GLRA3: variants seen among roughly 807,000 people sequenced by gnomAD.
The protein encoded by GLRA3 is glycine receptor subunit alpha-3.
In GLRA3, 44 loss-of-function variants were observed where a neutral mutation model predicts 60.4. That is an observed-to-expected ratio of 0.73 (90% CI 0.57 to 0.94). The LOEUF (loss-of-function observed/expected upper bound fraction) is 0.94, where lower values mean the gene tolerates loss of function less well. Ranked by LOEUF, GLRA3 falls within the 40% of genes least tolerant of loss-of-function variation. The pLI, the probability that GLRA3 is intolerant of heterozygous loss-of-function variation, is 0.00. For missense variants in GLRA3, 508 were observed against 564.6 expected (o/e 0.90, Z 1.02); for synonymous variants, 223 against 192.9 (o/e 1.16, Z -1.29).
At chr4:174,644,122 G>A (rs1362175090) in intron 9 of GLRA3, 58 bp from the exon 10 acceptor site, 5 of 961,814 alleles carry the variant, frequency 5.2e-6, no homozygotes, top group South Asian at 1.6e-5. Flanking sequence ...TGTATAACAG[G>A]CATCTCAGAA....
At chr4:174,645,101 A>G (rs1260812395) in intron 9 of GLRA3, among the ~76,000 whole-genome samples, 1 of 152,080 alleles carries the variant, frequency 6.6e-6, no homozygotes, top group Non-Finnish European at 1.5e-5. Context: ...ATAAAAGATC[A>G]AATAATTGGC....
At chr4:174,656,280 T>C (rs981331833) in intron 9 of GLRA3, among the ~76,000 whole-genome samples, 3 of 152,160 alleles carry the variant, frequency 2.0e-5, no homozygotes, top group East Asian at 3.9e-4. Context: ...ACATTTAGAA[T>C]GGATTCTAAA....
intron 7 of GLRA3, among the ~76,000 whole-genome samples, chr4:174,674,684 C>T (rs995536255): frequency 3.3e-5 from 5 of 152,072 alleles, no homozygotes; most frequent in Non-Finnish European, 7.4e-5. Context: ...TTTCACTGTC[C>T]TATGTTTTAT....
At chr4:174,689,118 T>A (rs1734681307) in intron 5 of GLRA3, among the ~76,000 whole-genome samples, 2 of 152,202 alleles carry the variant, frequency 1.3e-5, no homozygotes, top group Admixed American at 1.3e-4. Flanking sequence ...TCCAACTCTT[T>A]GGTTTTATAA....
intron 1 of GLRA3, among the ~76,000 whole-genome samples, chr4:174,824,149 C>A (rs1037234092): frequency 6.6e-6 from 1 of 152,142 alleles, no homozygotes; most frequent in Non-Finnish European, 1.5e-5. Flanking sequence ...TCAAAATACC[C>A]CGAACCAAAT....
chr4:174,693,141 T>C (rs1252139328), intron 5 of GLRA3, among the ~76,000 whole-genome samples: 2 of 152,178 alleles, frequency 1.3e-5, no homozygotes, highest in South Asian at 2.1e-4. Context: ...TCTTTTACTG[T>C]GCAGAAACTC....
intron 3 of GLRA3, among the ~76,000 whole-genome samples, chr4:174,761,854 T>C (rs980596873): frequency 6.6e-6 from 1 of 152,184 alleles, no homozygotes; most frequent in Non-Finnish European, 1.5e-5. Flanking sequence ...TTCACTCCTA[T>C]AATTTGTGCA....
chr4:174,746,215 C>T (rs1042424180), intron 3 of GLRA3, among the ~76,000 whole-genome samples: 23 of 152,056 alleles, frequency 1.5e-4, no homozygotes, highest in East Asian at 7.7e-4. Context: ...CAGCACTATT[C>T]GCAGTAGCAA....
chr4:174,805,126 G>T (rs953575044), intron 1 of GLRA3, among the ~76,000 whole-genome samples: 24 of 152,112 alleles, frequency 1.6e-4, no homozygotes, highest in Admixed American at 1.3e-4. Flanking sequence ...AAAAAGAAAT[G>T]ATTTGGGAGC....
chr4:174,695,937 C>T (rs1735034685), intron 5 of GLRA3, among the ~76,000 whole-genome samples: 1 of 152,040 alleles, frequency 6.6e-6, no homozygotes, highest in African/African-American at 2.4e-5. Flanking sequence ...CATTCCTATA[C>T]ACCAACAACA....
intron 5 of GLRA3, among the ~76,000 whole-genome samples, chr4:174,702,195 G>A (rs2111051492): frequency 6.6e-6 from 1 of 152,186 alleles, no homozygotes; most frequent in Admixed American, 6.5e-5. Flanking sequence ...TCAGCAACCA[G>A]CATCCCATCA....
intron 2 of GLRA3, among the ~76,000 whole-genome samples, chr4:174,773,538 T>G (rs2111254578): frequency 1.3e-5 from 2 of 152,280 alleles, no homozygotes; most frequent in Middle Eastern, 6.8e-3. Context: ...TATTAAAGTT[T>G]TATCTTTTTA....
intron 3 of GLRA3, among the ~76,000 whole-genome samples, chr4:174,751,271 A>C (rs2111196154): frequency 6.6e-6 from 1 of 152,228 alleles, no homozygotes; most frequent in East Asian, 1.9e-4. Flanking sequence ...GGAGACATCA[A>C]GAATGAACTC....
At chr4:174,664,430 AAAC>A (rs751524000) in intron 7 of GLRA3, among the ~76,000 whole-genome samples, 2 of 152,076 alleles carry the variant, frequency 1.3e-5, no homozygotes, top group East Asian at 3.9e-4. Context: ...ACAAACAAAA[AAAC>A]AACAACAGCA....
intron 3 of GLRA3, among the ~76,000 whole-genome samples, chr4:174,738,722 C>T (rs1460134699): frequency 6.6e-6 from 1 of 152,170 alleles, no homozygotes; most frequent in Non-Finnish European, 1.5e-5. Flanking sequence ...CGAATACTTT[C>T]ATGACAAAAA....
chr4:174,691,392 C>G (rs2111009410), intron 5 of GLRA3, among the ~76,000 whole-genome samples: 1 of 152,170 alleles, frequency 6.6e-6, no homozygotes, highest in East Asian at 1.9e-4. Flanking sequence ...CTCTCTCTCC[C>G]CACGGTCTCC....
At chr4:174,705,584 A>T (rs1319458234) in intron 5 of GLRA3, among the ~76,000 whole-genome samples, 1 of 144,180 alleles carries the variant, frequency 6.9e-6, no homozygotes, top group East Asian at 2.3e-4. Flanking sequence ...AGCCTCCAAT[A>T]GTCTTTTCAG....
At chr4:174,679,893 T>TA (rs1221401667) in intron 6 of GLRA3, among the ~76,000 whole-genome samples, 10 of 152,154 alleles carry the variant, frequency 6.6e-5, no homozygotes, top group Admixed American at 4.6e-4. Flanking sequence ...TGAGTGGGTT[T>TA]AAAAATACAC....
chr4:174,805,605 A>T (rs1224020977), intron 1 of GLRA3, among the ~76,000 whole-genome samples: 1 of 152,100 alleles, frequency 6.6e-6, no homozygotes, highest in Non-Finnish European at 1.5e-5. Context: ...CAGAGCTAGG[A>T]CACCTACTTA....
Sources: gnomAD v4.1 joint callset for allele counts (sites outside exome capture counted in the v4.1 genomes callset) on GRCh38, gnomAD v4.1.1 for gene constraint, MANE v1.5 for transcripts, NCBI Gene and HGNC (gene_info 2026-07-23, HGNC 2026-07-21) for gene names.